CNTN3: variants seen among roughly 807,000 people sequenced by gnomAD.
CNTN3 encodes the protein contactin-3.
A neutral mutation model predicts 119.1 loss-of-function variants in CNTN3; 60 were observed. The observed-to-expected ratio is 0.50, with a 90% CI of 0.41 to 0.62. The LOEUF (loss-of-function observed/expected upper bound fraction) is 0.62, where lower values mean the gene tolerates loss of function less well. Among genes scored for constraint, CNTN3 ranks in the 20% least tolerant of loss-of-function variants. CNTN3 has a pLI of 0.00. For missense variants in CNTN3, 1,101 were observed against 1,242.4 expected, an observed-to-expected ratio of 0.89 and a Z score of 1.71; for synonymous variants, 450 against 438.7, an observed-to-expected ratio of 1.03 and a Z score of -0.32.
At chr3:74,422,725 C>T (rs1177062885) in intron 5 of CNTN3, among the ~76,000 whole-genome samples, 1 of 152,138 alleles carries the variant, frequency 6.6e-6, no homozygotes, top group Non-Finnish European at 1.5e-5. Flanking sequence ...ACCAAGACTA[C>T]CCAGCTATTA....
chr3:74,410,046 C>T (rs545745199), intron 5 of CNTN3, among the ~76,000 whole-genome samples: 5 of 152,210 alleles, frequency 3.3e-5, no homozygotes, highest in Admixed American at 6.6e-5. Context: ...TTTGGAAATA[C>T]GGAATTTTGC....
chr3:74,401,509 C>T (rs576074724), intron 5 of CNTN3, among the ~76,000 whole-genome samples: 57 of 150,464 alleles, frequency 3.8e-4, no homozygotes, highest in African/African-American at 1.1e-3. Context: ...ACCACACACG[C>T]GCGCACGCAC....
chr3:74,409,523 T>C (rs1444840967), intron 5 of CNTN3, among the ~76,000 whole-genome samples: 2 of 152,174 alleles, frequency 1.3e-5, no homozygotes, highest in African/African-American at 4.8e-5. Context: ...GTTTTTTTTT[T>C]TTAACAGTAC....
intron 5 of CNTN3, among the ~76,000 whole-genome samples, chr3:74,395,240 T>C (rs1319135833): frequency 6.6e-6 from 1 of 152,172 alleles, no homozygotes; most frequent in Non-Finnish European, 1.5e-5. Context: ...ATTCATGTAA[T>C]CAAACCACTC....
intron 11 of CNTN3, among the ~76,000 whole-genome samples, chr3:74,348,109 T>C (rs1575742771): frequency 6.6e-6 from 1 of 152,194 alleles, no homozygotes; most frequent in Admixed American, 6.5e-5. Flanking sequence ...AGCTCTAGTA[T>C]ACAGCATGGG....
intron 11 of CNTN3, among the ~76,000 whole-genome samples, chr3:74,359,130 C>G (rs971458146): frequency 6.6e-6 from 1 of 152,088 alleles, no homozygotes; most frequent in Admixed American, 6.5e-5. Flanking sequence ...AGTGGTGGGA[C>G]AGCAAGACAG....
chr3:74,488,550 T>C (rs2107049930), intron 3 of CNTN3, among the ~76,000 whole-genome samples: 1 of 152,330 alleles, frequency 6.6e-6, no homozygotes. Flanking sequence ...TCTGTATCAT[T>C]TTCTATATCT....
chr3:74,591,276 G>A (rs1704699051), intron 1 of CNTN3, among the ~76,000 whole-genome samples: 1 of 151,988 alleles, frequency 6.6e-6, no homozygotes, highest in Admixed American at 6.6e-5. Context: ...TAATATCAAT[G>A]AGGTTTGAAA....
chr3:74,561,632 C>T (rs1235092043), intron 1 of CNTN3, among the ~76,000 whole-genome samples: 1 of 152,104 alleles, frequency 6.6e-6, no homozygotes, highest in Non-Finnish European at 1.5e-5. Flanking sequence ...TCACGTCCCC[C>T]ACTACAAATC....
In CNTN3 at chr3:74,356,430, C is replaced by T. The variant is rs188848060; in HGVS notation, c.1364+5460G>A. 1.4e-4 allele frequency among the ~76,000 whole-genome samples: 22 copies of T among 152,184 alleles called. No individual in the cohort carries two copies. The East Asian group carries it at 3.9e-3, about 27-fold the overall frequency. On this transcript the variant is annotated intron_variant, in intron 11 of 22. Transcript: ENST00000263665. Reference sequence around the variant, plus strand: ...AGTCCTGCTGCAGACATCACCTTCTCTAGAGAGCTTGTCCTGATCCCTAAT... The same window carrying T: ...AGTCCTGCTGCAGACATCACCTTCTTTAGAGAGCTTGTCCTGATCCCTAAT...
intron 1 of CNTN3, among the ~76,000 whole-genome samples, chr3:74,525,729 A>G (rs1195276554): frequency 6.6e-6 from 1 of 151,892 alleles, no homozygotes; most frequent in African/African-American, 2.4e-5. Flanking sequence ...CCCAAATTTA[A>G]TGCATATTGA....
chr3:74,265,740 A>G (rs965026987), intron 22 of CNTN3, among the ~76,000 whole-genome samples: 1 of 152,124 alleles, frequency 6.6e-6, no homozygotes, highest in Non-Finnish European at 1.5e-5. Context: ...CTGATTACCC[A>G]TGCTAAATGA....
At chr3:74,601,409 T>C (rs192821968) in intron 1 of CNTN3, among the ~76,000 whole-genome samples, 1 of 152,264 alleles carries the variant, frequency 6.6e-6, no homozygotes, top group East Asian at 1.9e-4. Flanking sequence ...GTTCTTTTAA[T>C]TGAACGGTAC....
chr3:74,411,202 C>T (rs904488088), intron 5 of CNTN3, among the ~76,000 whole-genome samples: 23 of 102,124 alleles, frequency 2.3e-4, no homozygotes, highest in African/African-American at 6.9e-4. Flanking sequence ...GGAAGAATAA[C>T]ATTTAAAATA....
chr3:74,494,879 T>C (rs1011697081), intron 3 of CNTN3, among the ~76,000 whole-genome samples: 5 of 152,086 alleles, frequency 3.3e-5, no homozygotes, highest in African/African-American at 1.2e-4. Flanking sequence ...AGCTTTATCA[T>C]ATAGGTAATG....
chr3:74,407,330 G>A (rs1015140188), intron 5 of CNTN3, among the ~76,000 whole-genome samples: 8 of 142,602 alleles, frequency 5.6e-5, no homozygotes, highest in African/African-American at 1.3e-4. Context: ...GTTCAATGGC[G>A]CAATCTCAGC....
intron 4 of CNTN3, among the ~76,000 whole-genome samples, chr3:74,437,752 C>CT (rs141512906): frequency 0.021 from 3,201 of 151,816 alleles, 70 homozygotes; most frequent in African/African-American, 0.053. Context: ...CAAAACTACA[C>CT]TTTTTTTTCC....
At chr3:74,553,809 G>A (rs562688677) in intron 1 of CNTN3, among the ~76,000 whole-genome samples, 75 of 152,140 alleles carry the variant, frequency 4.9e-4, no homozygotes, top group South Asian at 8.3e-4. Flanking sequence ...CGTAGATTAC[G>A]GATATTAGCC....
intron 3 of CNTN3, among the ~76,000 whole-genome samples, chr3:74,492,602 T>G (rs559433443): frequency 6.6e-6 from 1 of 152,308 alleles, no homozygotes; most frequent in South Asian, 2.1e-4. Context: ...ATACCTGACA[T>G]AGGAGTTATT....
Sources: gnomAD v4.1 joint callset for allele counts (sites outside exome capture counted in the v4.1 genomes callset) on GRCh38, gnomAD v4.1.1 for gene constraint, MANE v1.5 for transcripts, NCBI Gene and HGNC (gene_info 2026-07-23, HGNC 2026-07-21) for gene names.